Variants in NBAS observed in about 807,000 individuals in gnomAD.
NBAS encodes NBAS subunit of NRZ tethering complex.
Under a neutral mutation model 302.5 loss-of-function variants are expected in NBAS, and 219 were observed. The observed-to-expected ratio is 0.72, with a 90% CI of 0.65 to 0.81. The LOEUF (loss-of-function observed/expected upper bound fraction) is 0.81, where lower values mean the gene tolerates loss of function less well. Among genes scored for constraint, NBAS ranks in the 30% least tolerant of loss-of-function variants. NBAS has a pLI of 0.00. For missense variants in NBAS, 2,932 were observed against 2,841.6 expected (o/e 1.03, Z -0.72); for synonymous variants, 1,118 against 1,021.6 (o/e 1.09, Z -1.80).
chr2:15,203,696 T>G (rs1027626187), intron 48 of NBAS, among the ~76,000 whole-genome samples: 3 of 152,070 alleles, frequency 2.0e-5, no homozygotes, highest in Non-Finnish European at 4.4e-5. Flanking sequence ...AAAAAAGCAC[T>G]AAATCCCAGA....
At chr2:15,139,097 C>T in the NBAS span, among the ~76,000 whole-genome samples, 4 of 152,094 alleles carry the variant, frequency 2.6e-5, no homozygotes, top group African/African-American at 7.2e-5. Flanking sequence ...AGTGGAGCTG[C>T]GAGATAATAA....
At chr2:15,012,225 G>A in the NBAS span, among the ~76,000 whole-genome samples, 2 of 151,998 alleles carry the variant, frequency 1.3e-5, no homozygotes, top group Admixed American at 1.3e-4. Context: ...AAACGGACAC[G>A]TTTTTAAATC....
chr2:15,199,086 C>T (rs1665754278), intron 48 of NBAS, among the ~76,000 whole-genome samples: 1 of 140,324 alleles, frequency 7.1e-6, no homozygotes, highest in Non-Finnish European at 1.5e-5. Flanking sequence ...GAGATTGTGC[C>T]ACTGCACTCC....
At chr2:15,228,429 AG>A (rs1348092930) in intron 47 of NBAS, among the ~76,000 whole-genome samples, 3 of 152,226 alleles carry the variant, frequency 2.0e-5, no homozygotes, top group Admixed American at 1.3e-4. Flanking sequence ...AACAGAATGG[AG>A]GTTCCCCTAA....
the NBAS span, among the ~76,000 whole-genome samples, chr2:14,814,628 T>C: frequency 6.6e-6 from 1 of 152,222 alleles, no homozygotes; most frequent in African/African-American, 2.4e-5. Context: ...TGTTTTTTAT[T>C]ATACAGGCTC....
chr2:15,469,272 T>TAGAGAA, intron 16 of NBAS, among the ~76,000 whole-genome samples: 1 of 152,230 alleles, frequency 6.6e-6, no homozygotes, highest in Non-Finnish European at 1.5e-5. Context: ...CTTATTTCTC[T>TAGAGAA]AGTTCTGTAA....
At chr2:15,319,404 G>C (rs1671680796) in intron 38 of NBAS, among the ~76,000 whole-genome samples, 1 of 151,908 alleles carries the variant, frequency 6.6e-6, no homozygotes, top group Non-Finnish European at 1.5e-5. Flanking sequence ...GATCAGAGCA[G>C]AACTGAAGGA....
chr2:14,813,713 T>A, the NBAS span, among the ~76,000 whole-genome samples: 2 of 152,142 alleles, frequency 1.3e-5, no homozygotes, highest in African/African-American at 4.8e-5. Flanking sequence ...AGCCTAACCA[T>A]GTGGGAGAAA....
the NBAS span, among the ~76,000 whole-genome samples, chr2:14,945,460 T>C: frequency 6.6e-6 from 1 of 152,186 alleles, no homozygotes; most frequent in Non-Finnish European, 1.5e-5. Context: ...TGACTCATAC[T>C]AACAAGATGG....
At chr2:14,925,966 CCTCTGGTAAGAA>C in the NBAS span, among the ~76,000 whole-genome samples, 1 of 152,122 alleles carries the variant, frequency 6.6e-6, no homozygotes, top group East Asian at 1.9e-4. Flanking sequence ...GATGTAGGAT[CCTCTGGTAAGAA>C]CTCACAAATC....
intron 48 of NBAS, among the ~76,000 whole-genome samples, chr2:15,195,986 C>A (rs1665602073): frequency 6.6e-6 from 1 of 152,190 alleles, no homozygotes; most frequent in African/African-American, 2.4e-5. Context: ...CAGAAGCATG[C>A]CAATGTGTAA....
rs544125046 is a variant in NBAS, at chr2:15,314,385, C to A, written c.4583-5138G>T. On this transcript the variant is annotated intron_variant, in intron 38 of 51. Coordinates refer to ENST00000281513, the MANE Select transcript of NBAS (RefSeq NM_015909.4). The stretch of plus-strand genomic sequence containing the variant: ...CAAAACAAACAAATAACAACAACAA[C>A]AAAAAACAAGTATTAAAAGCCACTG... 2.5e-4 allele frequency among the ~76,000 whole-genome samples: 38 copies of A among 152,064 alleles called. No individual in the cohort carries two copies. The East Asian group carries it at 5.2e-3, about 21-fold the overall frequency.
the NBAS span, among the ~76,000 whole-genome samples, chr2:15,004,728 C>T: frequency 2.1e-5 from 3 of 145,450 alleles, no homozygotes; most frequent in Admixed American, 7.0e-5. Flanking sequence ...AAGCTAGCCT[C>T]GAACTTCTGA....
At chr2:15,158,623 G>A in the NBAS span, among the ~76,000 whole-genome samples, 1 of 152,204 alleles carries the variant, frequency 6.6e-6, no homozygotes, top group Non-Finnish European at 1.5e-5. Flanking sequence ...TCTGGTAGAA[G>A]AGCCTTCCTC....
intron 11 of NBAS, among the ~76,000 whole-genome samples, chr2:15,500,427 G>A (rs946638658): frequency 1.3e-5 from 2 of 150,896 alleles, no homozygotes; most frequent in South Asian, 2.1e-4. Flanking sequence ...GGAAGTCAGC[G>A]TTGAACAAAA....
chr2:14,878,756 C>T, the NBAS span, among the ~76,000 whole-genome samples: 1 of 152,194 alleles, frequency 6.6e-6, no homozygotes, highest in African/African-American at 2.4e-5. Context: ...ATCAACATCC[C>T]CCATCAAGTG....
the NBAS span, among the ~76,000 whole-genome samples, chr2:14,809,891 C>T: frequency 3.9e-5 from 6 of 152,178 alleles, no homozygotes; most frequent in African/African-American, 7.2e-5. Flanking sequence ...ATTGCATCGG[C>T]GTGACCTGGA....
chr2:15,093,008 G>A, the NBAS span, among the ~76,000 whole-genome samples: 1 of 152,134 alleles, frequency 6.6e-6, no homozygotes, highest in South Asian at 2.1e-4. Context: ...CTTAAACCCT[G>A]CAGGGTGTCT....
At chr2:15,328,488 A>G (rs144675238) in intron 36 of NBAS, among the ~76,000 whole-genome samples, 176 bp from the exon 37 acceptor site, 1 of 152,328 alleles carries the variant, frequency 6.6e-6, no homozygotes, top group East Asian at 1.9e-4. Flanking sequence ...AGTCACACAC[A>G]TATCCGGCAG....
Sources: gnomAD v4.1 joint callset for allele counts (sites outside exome capture counted in the v4.1 genomes callset) on GRCh38, gnomAD v4.1.1 for gene constraint, MANE v1.5 for transcripts, NCBI Gene and HGNC (gene_info 2026-07-23, HGNC 2026-07-21) for gene names.